The following AFF4 variants were observed in gnomAD, a reference collection of about 807,000 sequenced individuals.
The protein encoded by AFF4 is AF4/FMR2 family member 4.
A neutral mutation model predicts 124.8 loss-of-function variants in AFF4; 13 were observed. The observed-to-expected ratio is 0.10, with a 90% CI of 0.07 to 0.17. AFF4 has a LOEUF of 0.17. Among genes scored for constraint, AFF4 ranks in the 10% least tolerant of loss-of-function variants. The pLI, the probability that AFF4 is intolerant of heterozygous loss-of-function variation, is 1.00. For missense variants in AFF4, 1,092 were observed against 1,403.8 expected (o/e 0.78, Z 3.55); for synonymous variants, 477 against 496.1 (o/e 0.96, Z 0.51).
chr5:132,943,911 A>C (rs947516402), intron 1 of AFF4: 9 of 174,762 alleles, frequency 5.1e-5, no homozygotes, highest in Admixed American at 4.3e-4. Flanking sequence ...GTAAGGTGAA[A>C]GATGGCCCTA....
chr5:132,940,844 C>G (rs60532681), intron 1 of AFF4, among the ~76,000 whole-genome samples: 2 of 151,760 alleles, frequency 1.3e-5, no homozygotes, highest in African/African-American at 4.8e-5. Context: ...CTGGCCAACA[C>G]GGTGAAACCC....
chr5:132,958,756 A>G (rs1394579702), intron 1 of AFF4, among the ~76,000 whole-genome samples: 1 of 152,156 alleles, frequency 6.6e-6, no homozygotes, highest in East Asian at 1.9e-4. Context: ...TAATGATGAC[A>G]TGAAAAGGAA....
chr5:132,931,819 C>T (rs911624689), intron 4 of AFF4, among the ~76,000 whole-genome samples: 2 of 152,192 alleles, frequency 1.3e-5, no homozygotes, highest in African/African-American at 2.4e-5. Context: ...TGGCGGGAGC[C>T]TGTAATCCCA....
At position 132,877,357 on chromosome 5, in the gene AFF4, C is replaced by T. The variant is rs1026967493; in HGVS notation, c.*3702G>A. The T allele has an allele frequency of 1.9e-5, 4 of 215,016 alleles. No homozygotes were observed. Among genetic ancestry groups the T allele is most frequent in the African/African-American group, 4.5e-5 (2 of 44,340 alleles). The allele number at this position is 215,016 out of a possible 1,614,324, so 13.3% of individuals were successfully genotyped here. On this transcript the variant is annotated 3_prime_UTR_variant, in exon 21 of 21. Transcript: ENST00000265343. ...TTTACTACAAATCATAGTAATTAAG[C>T]TTTAACAATCTAAAGGAATACACAT...
intron 1 of AFF4, chr5:132,943,879 G>C (rs1313067501): frequency 4.8e-6 from 1 of 208,668 alleles, no homozygotes; most frequent in Non-Finnish European, 1.1e-5. Flanking sequence ...TGAGCTGAAG[G>C]GAAAGACGGA....
At chr5:132,920,889 A>G (rs1761026675) in intron 5 of AFF4, among the ~76,000 whole-genome samples, 1 of 152,056 alleles carries the variant, frequency 6.6e-6, no homozygotes, top group African/African-American at 2.4e-5. Flanking sequence ...GCACTTTGGG[A>G]GGCCGGGGTG....
intron 20 of AFF4, among the ~76,000 whole-genome samples, chr5:132,882,496 T>C (rs1213118841): frequency 1.3e-5 from 2 of 152,212 alleles, no homozygotes; most frequent in African/African-American, 4.8e-5. Flanking sequence ...TAATTCTCCA[T>C]GTCCTTGGTT....
chr5:132,936,266 C>CAAAAAAAAAAAAA (rs747936348), intron 2 of AFF4, among the ~76,000 whole-genome samples: 2 of 45,460 alleles, frequency 4.4e-5, no homozygotes, highest in African/African-American at 1.8e-4. Flanking sequence ...GACTCCGTCT[C>CAAAAAAAAAAAAA]AAAAAAAAAA....
intron 1 of AFF4, among the ~76,000 whole-genome samples, chr5:132,940,092 C>A (rs1761531630): frequency 6.6e-6 from 1 of 152,098 alleles, no homozygotes; most frequent in East Asian, 1.9e-4. Flanking sequence ...CCCAGCTACT[C>A]AGGAGGCTGA....
intron 11 of AFF4, 35 bp from the exon 12 acceptor site, chr5:132,893,153 A>C: frequency 6.3e-7 from 1 of 1,579,372 alleles, no homozygotes; most frequent in Admixed American, 1.7e-5. Context: ...TCTGATTTTT[A>C]TTCAACTAAC....
intron 1 of AFF4, among the ~76,000 whole-genome samples, chr5:132,954,689 A>G (rs1259003868): frequency 6.7e-6 from 1 of 150,270 alleles, no homozygotes; most frequent in African/African-American, 2.4e-5. Flanking sequence ...CTGGGACTAC[A>G]GGCGCCCGCC....
chr5:132,932,263 G>C, intron 3 of AFF4, 41 bp from the exon 4 acceptor site: 1 of 1,549,538 alleles, frequency 6.5e-7, no homozygotes, highest in Non-Finnish European at 8.8e-7. Flanking sequence ...TTTATCAGTA[G>C]ATTTTTAGTA....
At position 132,893,905 on chromosome 5, in the gene AFF4, A is replaced by G. The variant is rs539038242; in HGVS notation, c.2308-787T>C. The stretch of plus-strand genomic sequence containing the variant: ...ATCTTTATAGATTTGCCTATTCTAG[A>G]CATTTCAGGAAAATGGATCATTCAA... On this transcript the variant is annotated intron_variant, in intron 11 of 20. Transcript: ENST00000265343. Among the ~76,000 whole-genome samples, 6 of 152,310 alleles carry G rather than the reference A, an allele frequency of 3.9e-5. No homozygotes were observed. The South Asian group carries it at 1.2e-3, about 32-fold the overall frequency.
intron 16 of AFF4, 118 bp from the exon 17 acceptor site, chr5:132,887,710 G>C: frequency 6.7e-7 from 1 of 1,487,418 alleles, no homozygotes; most frequent in Non-Finnish European, 9.3e-7. Context: ...AATACTCATT[G>C]AAGTATCTAC....
At chr5:132,957,589 T>C (rs1376741123) in intron 1 of AFF4, among the ~76,000 whole-genome samples, 1 of 151,472 alleles carries the variant, frequency 6.6e-6, no homozygotes, top group African/African-American at 2.4e-5. Context: ...AAAAATTGGC[T>C]GGGCATGGTG....
At chr5:132,899,470 CAGAA>C (rs1412393817) in intron 8 of AFF4, 113 bp downstream of exon 8, 2 of 943,114 alleles carry the variant, frequency 2.1e-6, no homozygotes, top group Non-Finnish European at 3.0e-6. Context: ...ATTTCAGTGT[CAGAA>C]AGCTTATAAG....
intron 11 of AFF4, among the ~76,000 whole-genome samples, chr5:132,895,267 T>C (rs1354744014): frequency 6.6e-6 from 1 of 152,216 alleles, no homozygotes; most frequent in Non-Finnish European, 1.5e-5. Flanking sequence ...AAAATTTAAA[T>C]AATGTGGACA....
At chr5:132,923,432 AGT>A (rs987491060) in intron 5 of AFF4, among the ~76,000 whole-genome samples, 1 of 152,112 alleles carries the variant, frequency 6.6e-6, no homozygotes, top group Non-Finnish European at 1.5e-5. Context: ...GGAGTCAGTG[AGT>A]GAGTGAGTTA....
chr5:132,894,187 T>G (rs145311343), intron 11 of AFF4, among the ~76,000 whole-genome samples: 17 of 152,328 alleles, frequency 1.1e-4, no homozygotes, highest in African/African-American at 4.1e-4. Flanking sequence ...CTTGGATATA[T>G]AACTAGCAGT....
Sources: gnomAD v4.1 joint callset for allele counts (sites outside exome capture counted in the v4.1 genomes callset) on GRCh38, gnomAD v4.1.1 for gene constraint, MANE v1.5 for transcripts, NCBI Gene and HGNC (gene_info 2026-07-23, HGNC 2026-07-21) for gene names.